Variants in MMP26 observed in about 807,000 individuals in gnomAD.
The protein encoded by MMP26 is matrix metallopeptidase 26.
In MMP26, 33 loss-of-function variants were observed where a neutral mutation model predicts 31.0. The observed-to-expected ratio is 1.06, with a 90% confidence interval of 0.81 to 1.42. The LOEUF is 1.42. Among genes scored for constraint, MMP26 ranks in the 40% most tolerant of loss-of-function variants. The probability of loss-of-function intolerance (pLI) is 0.00; values close to 1 mark genes in which losing one functional copy is unlikely to be tolerated. For synonymous variants in MMP26, 122 were observed against 114.9 expected, an observed-to-expected ratio of 1.06 and a Z score of -0.40; for missense variants, 347 against 316.1, an observed-to-expected ratio of 1.10 and a Z score of -0.74.
intron 2 of MMP26, among the ~76,000 whole-genome samples, chr11:4,854,162 C>T (rs983792178): frequency 1.7e-4 from 26 of 152,144 alleles, no homozygotes; most frequent in African/African-American, 3.4e-4. Context: ...ACACAGAAGA[C>T]GGGTGATTTC....
At chr11:4,896,354 T>C (rs1211991368) in intron 2 of MMP26, among the ~76,000 whole-genome samples, 1 of 152,162 alleles carries the variant, frequency 6.6e-6, no homozygotes, top group Non-Finnish European at 1.5e-5. Flanking sequence ...CTTCTGAGTT[T>C]TCCTCTCATG....
At chr11:4,899,500 T>A (rs1850770556) in intron 2 of MMP26, among the ~76,000 whole-genome samples, 1 of 152,196 alleles carries the variant, frequency 6.6e-6, no homozygotes, top group African/African-American at 2.4e-5. Context: ...AGCAACCAGA[T>A]CCTTTTTTCA....
chr11:4,756,712 T>C (rs918567629), intron 1 of MMP26: 1 of 152,124 alleles, frequency 6.6e-6, no homozygotes, highest in Non-Finnish European at 1.5e-5. Flanking sequence ...GTAGGTAGTA[T>C]GCTATGTGAG....
intron 2 of MMP26, among the ~76,000 whole-genome samples, chr11:4,971,052 G>A (rs1378738): frequency 0.66 from 100,360 of 152,052 alleles, 33,861 homozygotes; most frequent in African/African-American, 0.8. Context: ...GTAATAAAAC[G>A]TTCTCACAAA....
At chr11:4,836,545 T>C (rs1001420421) in intron 2 of MMP26, among the ~76,000 whole-genome samples, 3 of 151,114 alleles carry the variant, frequency 2.0e-5, no homozygotes, top group South Asian at 2.1e-4. Flanking sequence ...CCTTGATTAA[T>C]ATAAATTTAA....
intron 2 of MMP26, among the ~76,000 whole-genome samples, chr11:4,940,674 G>T (rs2133600145): frequency 6.6e-6 from 1 of 152,266 alleles, no homozygotes; most frequent in East Asian, 1.9e-4. Context: ...TGATGGAAAA[G>T]CTTCTAAACG....
chr11:4,851,046 A>G (rs922043825), intron 2 of MMP26, among the ~76,000 whole-genome samples: 1 of 152,222 alleles, frequency 6.6e-6, no homozygotes, highest in Non-Finnish European at 1.5e-5. Context: ...GGAGGCTAAC[A>G]CATCCTCTCC....
At chr11:4,764,879 GAC>G (rs60775849) in intron 1 of MMP26, among the ~76,000 whole-genome samples, 3 of 150,270 alleles carry the variant, frequency 2.0e-5, no homozygotes, top group Admixed American at 6.6e-5. Context: ...CTCCATCACA[GAC>G]ACACACACAC....
At chr11:4,865,389 A>C (rs911693068) in intron 2 of MMP26, among the ~76,000 whole-genome samples, 2 of 152,138 alleles carry the variant, frequency 1.3e-5, no homozygotes, top group Non-Finnish European at 2.9e-5. Flanking sequence ...TAGGAAGAGA[A>C]ATTTCTTCTG....
chr11:4,915,042 T>A (rs1467038891), intron 2 of MMP26: 1 of 1,613,794 alleles, frequency 6.2e-7, no homozygotes, highest in Non-Finnish European at 8.5e-7. Context: ...GTAGAGACGA[T>A]GACAAACATG....
intron 2 of MMP26, chr11:4,908,889 G>C (rs1176458206): frequency 1.3e-5 from 2 of 157,040 alleles, no homozygotes; most frequent in African/African-American, 4.8e-5. Flanking sequence ...CTGTAAACAT[G>C]GATTGAATTT....
At chr11:4,919,926 G>T (rs146474550) in intron 2 of MMP26, among the ~76,000 whole-genome samples, 1,832 of 152,150 alleles carry the variant, frequency 0.012, 24 homozygotes, top group South Asian at 0.022. Flanking sequence ...TCAGTCCTTT[G>T]TTTCCAGACA....
intron 2 of MMP26, among the ~76,000 whole-genome samples, chr11:4,796,488 C>G (rs766852929): frequency 2.6e-5 from 4 of 152,188 alleles, no homozygotes; most frequent in Non-Finnish European, 5.9e-5. Flanking sequence ...TCTGTCTTCA[C>G]CATGCCCAAC....
chr11:4,916,793 C>T (rs1266618805), intron 2 of MMP26, among the ~76,000 whole-genome samples: 1 of 152,166 alleles, frequency 6.6e-6, no homozygotes, highest in Admixed American at 6.5e-5. Flanking sequence ...ACCAGAATTC[C>T]CCAGAAGTCC....
At chr11:4,779,084 C>G (rs73399028) in intron 2 of MMP26, among the ~76,000 whole-genome samples, 14,387 of 151,900 alleles carry the variant, frequency 0.095, 845 homozygotes, top group Middle Eastern at 0.15. Flanking sequence ...TTCCTTTACT[C>G]TGCTGAGGTA....
chr11:4,804,027 G>A, intron 2 of MMP26: 1 of 1,613,994 alleles, frequency 6.2e-7, no homozygotes, highest in Non-Finnish European at 8.5e-7. Flanking sequence ...CCATAGCCAT[G>A]AGCACCCCAG....
chr11:4,901,968 G>A (rs552080680), intron 2 of MMP26, among the ~76,000 whole-genome samples: 12 of 152,134 alleles, frequency 7.9e-5, no homozygotes, highest in South Asian at 2.1e-4. Context: ...CTTGATAATC[G>A]AATCCAGGTT....
At chr11:4,864,744 C>T (rs1318472911) in intron 2 of MMP26, among the ~76,000 whole-genome samples, 1 of 152,068 alleles carries the variant, frequency 6.6e-6, no homozygotes, top group African/African-American at 2.4e-5. Flanking sequence ...AAACTGGTGA[C>T]TTGAACTCCC....
Position 4,970,488 on chromosome 11 carries a change from G to A in MMP26, c.-144-17580G>A, listed in dbSNP as rs997152600. The stretch of plus-strand genomic sequence containing the variant: ...CAGATGATTGCTGTTTGGGGTTCCT[G>A]AGCACCTTGAAAGCTCTTGATGTGT... On this transcript the variant is annotated intron_variant, in intron 2 of 7. Coordinates refer to ENST00000380390, the MANE Select transcript of MMP26 (RefSeq NM_021801.5). Among the ~76,000 whole-genome samples, 9 of 152,116 alleles carry A rather than the reference G, an allele frequency of 5.9e-5. No individual in the cohort carries two copies. In the South Asian group the frequency reaches 6.2e-4, roughly 11 times the overall value.
Sources: gnomAD v4.1 joint callset for allele counts (sites outside exome capture counted in the v4.1 genomes callset) on GRCh38, gnomAD v4.1.1 for gene constraint, MANE v1.5 for transcripts, NCBI Gene and HGNC (gene_info 2026-07-23, HGNC 2026-07-21) for gene names.